CRYBG2: variants seen among roughly 807,000 people sequenced by gnomAD.
The protein encoded by CRYBG2 is beta/gamma crystallin domain-containing protein 2.
In CRYBG2, 106 loss-of-function variants were observed where a neutral mutation model predicts 153.4. The ratio of observed to expected loss-of-function variants is 0.69; its 90% CI spans 0.59 to 0.81. CRYBG2 has a LOEUF of 0.81. Ranked by LOEUF, CRYBG2 falls within the 30% of genes least tolerant of loss-of-function variation. The pLI, the probability that CRYBG2 is intolerant of heterozygous loss-of-function variation, is 0.00. For synonymous variants in CRYBG2, 851 were observed against 877.8 expected (o/e 0.97, Z 0.54); for missense variants, 1,996 against 2,112.0 (o/e 0.95, Z 1.08).
Position 26,322,046 on chromosome 1 carries a change from G to C in CRYBG2, c.4908C>G (p.Gly1636=). The part of the protein sequence containing the change: ...GQILDVKGGR[G]YDRDHVVLWE... ...ATAGCACCACGTGGTCCCGGTCGTA[G>C]CCCCGGCCTCCTGGGGGTGGGATGG... The change falls in exon 20 of 20, where the codon GGC becomes GGG. Residue 1636 remains glycine (G), a synonymous_variant. Coordinates refer to ENST00000308182, the MANE Select transcript of CRYBG2 (RefSeq NM_001039775.4). 6.2e-7 allele frequency: 1 copy of C among 1,606,658 alleles called. No homozygotes were observed. Among genetic ancestry groups the C allele is most frequent in the South Asian group, 1.1e-5 (1 of 90,838 alleles).
Position 26,323,713 on chromosome 1 carries a change from G to T in CRYBG2, c.4737+439C>A, listed in dbSNP as rs140949046. Among the ~76,000 whole-genome samples, 17 of 151,894 alleles carry T rather than the reference G, an allele frequency of 1.1e-4. No individual in the cohort carries two copies. In the East Asian group the frequency reaches 3.3e-3, roughly 30 times the overall value. ...CACTCACTGCAGCCTCTAACTCCTG[G>T]GCTCAAGCCTCCCACCTCAGCCTCT... On this transcript the variant is annotated intron_variant, in intron 18 of 19. Transcript: ENST00000308182.
Position 26,336,311 on chromosome 1 carries a change from C to A in CRYBG2, c.4071+27G>T, listed in dbSNP as rs1475308302. ...AATGAGGGGAGAGACGTGAGCCCAG[C>A]GGCTCCCTGCGGAGTCCCTGCCTTA... is the stretch of plus-strand genomic sequence containing the variant. On this transcript the variant is annotated intron_variant, in intron 13 of 19. Transcript: ENST00000308182. The surrounding 1 kb of genome is among the most constrained non-coding windows in gnomAD (Gnocchi z 4.9). 8 of 1,612,510 alleles carry A rather than the reference C, an allele frequency of 5.0e-6. No homozygotes were observed. The highest frequency in any genetic ancestry group is 1.3e-5 in the African/African-American group (1 of 74,998).
At chr1:26,347,445 C>T (rs1212260203) in intron 1 of CRYBG2, among the ~76,000 whole-genome samples, 4 of 151,536 alleles carry the variant, frequency 2.6e-5, no homozygotes, top group South Asian at 2.1e-4. Context: ...AGGCACACGC[C>T]GCCACACCCA....
Position 26,336,595 on chromosome 1 carries a change from C to G in CRYBG2, c.4038+11G>C, listed in dbSNP as rs1322247109. ...ACCGGGGAGGCCCCGCCCCCCGCGG[C>G]CGGCACGCACCTGTAGGACCGGCTG... is the stretch of plus-strand genomic sequence containing the variant. On this transcript the variant is annotated intron_variant, in intron 12 of 19. Coordinates refer to ENST00000308182, the MANE Select transcript of CRYBG2 (RefSeq NM_001039775.4). The surrounding 1 kb of genome is among the most constrained non-coding windows in gnomAD (Gnocchi z 4.9). 1.3e-6 allele frequency: 2 copies of G among 1,545,588 alleles called. No individual in the cohort carries two copies. The highest frequency in any genetic ancestry group is 4.0e-5 in the Admixed American group (2 of 50,036).
chr1:26,345,968 G>T lies in CRYBG2; in HGVS notation c.690C>A (p.Ser230Arg), dbSNP rs201332838. The T allele has an allele frequency of 6.5e-5, 104 of 1,593,564 alleles. No individual in the cohort carries two copies. In the African/African-American group the frequency reaches 1.2e-3, roughly 18 times the overall value. The change falls in exon 2 of 20, where the codon AGC becomes AGA. Residue 230 changes from serine to arginine, a missense_variant. Ser to Arg is a moderately radical substitution (Grantham distance 110, BLOSUM62 -1). Transcript: ENST00000308182. The stretch of plus-strand genomic sequence containing the variant: ...TTAGCACTTTCACGGCCTGGCTGCG[G>T]CTGGGCGAGCCTGGTGGGGAGCCCA... ...VVVGSPPGSP[S>R]RSQAVKVLSN...
In CRYBG2 at chr1:26,325,437, G is replaced by T. The variant is rs1419896514; in HGVS notation, c.4579-1127C>A. 2.0e-5 allele frequency among the ~76,000 whole-genome samples: 3 copies of T among 152,138 alleles called. No individual in the cohort carries two copies. Among genetic ancestry groups the T allele is most frequent in the Non-Finnish European group, 4.4e-5 (3 of 68,022 alleles). ...TAGCCAGGTGTGGTGGCACACGCCT[G>T]TAATCACAGCTACTCGGGAGGCTGA... On this transcript the variant is annotated intron_variant, in intron 17 of 19. Coordinates refer to ENST00000308182, the MANE Select transcript of CRYBG2 (RefSeq NM_001039775.4). The surrounding 1 kb of genome is among the most constrained non-coding windows in gnomAD (Gnocchi z 4.1).
chr1:26,342,790 A>G lies in CRYBG2; in HGVS notation c.3168T>C (p.Ser1056=). ...TCCTTAGGGAGCCGATGCCTTGGGGACTCCACTTTGTCCCTGGGGTTCTGA... is the reference window on the plus strand; with the variant it reads ...TCCTTAGGGAGCCGATGCCTTGGGGGCTCCACTTTGTCCCTGGGGTTCTGA... ...MELRTPGTKW[S]PQGIGSLRRV... Residue 1056 remains serine, a synonymous_variant, in exon 5 of 20, where the codon AGT becomes AGC. Transcript: ENST00000308182. The G allele has an allele frequency of 6.2e-7, 1 of 1,613,512 alleles. No homozygotes were observed.
chr1:26,346,522 G>T lies in CRYBG2; in HGVS notation c.136C>A (p.Gln46Lys). The T allele has an allele frequency of 6.2e-7, 1 of 1,613,352 alleles. No homozygotes were observed. Among genetic ancestry groups the T allele is most frequent in the Non-Finnish European group, 8.5e-7 (1 of 1,179,762 alleles). Residue 46 changes from glutamine (Q) to lysine (K), a missense_variant, in exon 2 of 20, where the codon CAG (glutamine) becomes AAG (lysine). Physicochemically the swap from Gln to Lys is moderately conservative, Grantham distance 53. Transcript: ENST00000308182. This position sits in a 1 kb window ranked among gnomAD's most constrained non-coding sequence, Gnocchi z 4.9. ...FHKVSLVSGA[Q>K]MEAPQKEMFE... is the part of the protein sequence containing the mutation. ...ATCTCCTTCTGCGGGGCTTCCATCT[G>T]GGCCCCTGACACCAGGGACACCTTG...
Position 26,344,084 on chromosome 1 carries a change from C to G in CRYBG2, c.2574G>C (p.Arg858Ser), listed in dbSNP as rs377281983. The change falls in exon 2 of 20, where the codon AGG becomes AGC. Residue 858 changes from arginine to serine, a missense_variant. Physicochemically the swap from Arg to Ser is moderately radical, Grantham distance 110. Coordinates refer to ENST00000308182, the MANE Select transcript of CRYBG2 (RefSeq NM_001039775.4). The part of the protein sequence containing the change: ...RQEKAGPSPS[R>S]DLHPARPTQV... ...GGGTGGGTCTGGCAGGGTGGAGGTCCCTGGAGGGGCTGGGCCCAGCTTTCT... is the reference window on the plus strand; with the variant it reads ...GGGTGGGTCTGGCAGGGTGGAGGTCGCTGGAGGGGCTGGGCCCAGCTTTCT... 6.8e-5 allele frequency: 105 copies of G among 1,536,112 alleles called. 1 individual carries two copies. In the African/African-American group the frequency reaches 1.3e-3, roughly 19 times the overall value.
intron 17 of CRYBG2, chr1:26,327,086 C>T: frequency 2.6e-6 from 1 of 380,074 alleles, no homozygotes; most frequent in South Asian, 2.0e-5. Flanking sequence ...GTAATCCCAA[C>T]ACTTTGGGAG....
At chr1:26,348,877 AC>A (rs1341740224) in intron 1 of CRYBG2, among the ~76,000 whole-genome samples, 1 of 151,580 alleles carries the variant, frequency 6.6e-6, no homozygotes, top group Non-Finnish European at 1.5e-5. Flanking sequence ...TTTAATAAAA[AC>A]AAAAATAAGG....
chr1:26,322,104 C>T, intron 19 of CRYBG2, 48 bp from the exon 20 acceptor site: 2 of 1,598,590 alleles, frequency 1.3e-6, no homozygotes, highest in South Asian at 2.2e-5. Flanking sequence ...TCAGAGAGAG[C>T]TGGGACTCCA....
In CRYBG2 at chr1:26,322,070, GGGGATTAAAAGATA is replaced by G; in HGVS notation, c.4898-28_4898-15del. ...AGCCCCGGCCTCCTGGGGGTGGGATGGGGATTAAAAGATAGGGAGATAGTCAGAGAGAGCTGGGA... is the reference window on the plus strand; with the variant it reads ...AGCCCCGGCCTCCTGGGGGTGGGATGGGGAGATAGTCAGAGAGAGCTGGGA... On this transcript the variant is annotated splice_polypyrimidine_tract_variant and intron_variant, in intron 19 of 19. Coordinates refer to ENST00000308182, the MANE Select transcript of CRYBG2 (RefSeq NM_001039775.4). 1.2e-6 allele frequency: 2 copies of G among 1,604,782 alleles called. No homozygotes were observed. Among genetic ancestry groups the G allele is most frequent in the Non-Finnish European group, 1.7e-6 (2 of 1,172,860 alleles).
intron 18 of CRYBG2, 144 bp from the exon 19 acceptor site, chr1:26,322,467 T>C (rs2073871607): frequency 1.1e-6 from 1 of 943,276 alleles, no homozygotes; most frequent in Non-Finnish European, 1.5e-6. Context: ...TCAGCTTCAG[T>C]TTCCTCTCGG....
rs904727714 is a variant in CRYBG2, at chr1:26,344,418, G to T, written c.2240C>A (p.Thr747Lys). 1 of 1,524,134 alleles carries T rather than the reference G, an allele frequency of 6.6e-7. No homozygotes were observed. The highest frequency in any genetic ancestry group is 2.1e-5 in the Admixed American group (1 of 48,654). 94.4% of individuals were successfully genotyped at this position (1,524,134 alleles called of 1,614,324 possible). The change falls in exon 2 of 20, where the codon ACG becomes AAG. Residue 747 changes from threonine to lysine, a missense_variant. Thr to Lys is a moderately conservative substitution (Grantham distance 78). Coordinates refer to ENST00000308182, the MANE Select transcript of CRYBG2 (RefSeq NM_001039775.4). ...QLVSDPTEGKTCTETSREEDE... is the reference protein window; with the variant it reads ...QLVSDPTEGKKCTETSREEDE... Reference sequence around the variant, plus strand: ...CTCCTCCCTTGATGTCTCTGTGCACGTCTTGCCCTCGGTGGGATCAGAGAC... The same window carrying T: ...CTCCTCCCTTGATGTCTCTGTGCACTTCTTGCCCTCGGTGGGATCAGAGAC...
chr1:26,333,399 C>T (rs1432671080), intron 14 of CRYBG2, among the ~76,000 whole-genome samples: 1 of 152,096 alleles, frequency 6.6e-6, no homozygotes, highest in Non-Finnish European at 1.5e-5. Flanking sequence ...AACCCCATCT[C>T]TGCTAAAAAT....
Position 26,346,325 on chromosome 1 carries a change from C to T in CRYBG2, c.333G>A (p.Glu111=). 1 of 1,599,478 alleles carries T rather than the reference C, an allele frequency of 6.3e-7. No homozygotes were observed. Among genetic ancestry groups the T allele is most frequent in the Non-Finnish European group, 8.5e-7 (1 of 1,179,788 alleles). ...YIPPPKEKRP[E]GRLKEAVDQS... ...GGTCCACAGCCTCCTTCAGCCTCCC[C>T]TCAGGCCTTTTCTCCTTGGGAGGTG... The change falls in exon 2 of 20, where the codon GAG becomes GAA. Residue 111 remains glutamate (E), a synonymous_variant. Transcript: ENST00000308182. This position sits in a 1 kb window ranked among gnomAD's most constrained non-coding sequence, Gnocchi z 4.9.
rs368406665 is a variant in CRYBG2 at position 26,322,042 on chromosome 1, C to G, written c.4912G>C (p.Asp1638His). The G allele has an allele frequency of 1.2e-6, 2 of 1,606,696 alleles. No individual in the cohort carries two copies. The highest frequency in any genetic ancestry group is 2.2e-5 in the East Asian group (1 of 44,628). ...ILDVKGGRGY[D>H]RDHVVLWEPD... ...TCCCATAGCACCACGTGGTCCCGGT[C>G]GTAGCCCCGGCCTCCTGGGGGTGGG... Residue 1638 changes from aspartate (D) to histidine (H), a missense_variant, in exon 20 of 20, where the codon GAC (aspartate) becomes CAC (histidine). Transcript: ENST00000308182.
At position 26,328,841 on chromosome 1, in the gene CRYBG2, T is replaced by G; in HGVS notation, c.4347A>C (p.Gly1449=). 1.2e-6 allele frequency: 2 copies of G among 1,613,610 alleles called. No individual in the cohort carries two copies. The highest frequency in any genetic ancestry group is 1.1e-5 in the South Asian group (1 of 91,062). The part of the protein sequence containing the change: ...HFSEPSIFLY[G]LECFEGKEIE... The stretch of plus-strand genomic sequence containing the variant: ...TCTCCTTCCCCTCGAAGCACTCGAG[T>G]CCATACAGGAAAATGGAAGGCTCTG... The change falls in exon 16 of 20, where the codon GGA becomes GGC. Residue 1449 remains glycine (G), a synonymous_variant. Coordinates refer to ENST00000308182, the MANE Select transcript of CRYBG2 (RefSeq NM_001039775.4).
Sources: allele counts gnomAD v4.1 joint callset (sites outside exome capture counted in the v4.1 genomes callset), GRCh38; gene constraint gnomAD v4.1.1; non-coding constraint Gnocchi (gnomAD v3.1); transcripts MANE v1.5; gene names NCBI Gene and HGNC (gene_info 2026-07-23, HGNC 2026-07-21).